ARHGAP8: variants seen among roughly 807,000 people sequenced by gnomAD.
The protein encoded by ARHGAP8 is Rho GTPase activating protein 8.
ARHGAP8 carries 62 observed loss-of-function variants against 46.1 expected under a neutral mutation model. The observed-to-expected ratio is 1.34, with a 90% CI of 1.10 to 1.66. The LOEUF is 1.66. Among genes scored for constraint, ARHGAP8 ranks in the 40% most tolerant of loss-of-function variants. ARHGAP8 has a pLI of 0.00. For missense variants in ARHGAP8, 923 were observed against 568.4 expected, an observed-to-expected ratio of 1.62 and a Z score of -6.34; for synonymous variants, 375 against 243.1, an observed-to-expected ratio of 1.54 and a Z score of -5.05.
chr22:44,861,216 C>G (rs1415575080), intron 11 of ARHGAP8, among the ~76,000 whole-genome samples: 1 of 152,150 alleles, frequency 6.6e-6, no homozygotes, highest in African/African-American at 2.4e-5. Context: ...AGGTGATCCA[C>G]CTGCCTCGGC....
At chr22:44,769,773 C>T (rs75831019) in intron 1 of ARHGAP8, among the ~76,000 whole-genome samples, 8,879 of 152,130 alleles carry the variant, frequency 0.058, 633 homozygotes, top group African/African-American at 0.16. Context: ...TCATTGAGAC[C>T]GCAGGATTGC....
chr22:44,752,976 C>G (rs1924365818), intron 1 of ARHGAP8, among the ~76,000 whole-genome samples: 2 of 152,106 alleles, frequency 1.3e-5, no homozygotes, highest in Admixed American at 6.5e-5. Flanking sequence ...TCTGGCCGGA[C>G]GGTGTCAGCT....
intron 6 of ARHGAP8, among the ~76,000 whole-genome samples, chr22:44,823,619 CCACTCCCAGACCT>C (rs1930308211): frequency 6.6e-6 from 1 of 152,110 alleles, no homozygotes; most frequent in African/African-American, 2.4e-5. Flanking sequence ...TGGCAAGACC[CCACTCCCAGACCT>C]CACTAAAGTG....
intron 6 of ARHGAP8, among the ~76,000 whole-genome samples, chr22:44,825,203 A>T (rs570039071): frequency 1.3e-5 from 2 of 152,082 alleles, no homozygotes; most frequent in Non-Finnish European, 2.9e-5. Context: ...GGCTGACCGC[A>T]TGGTAAGCAG....
intron 7 of ARHGAP8, among the ~76,000 whole-genome samples, chr22:44,832,336 C>T (rs984279398): frequency 1.9e-4 from 29 of 151,364 alleles, no homozygotes; most frequent in Admixed American, 1.5e-3. Context: ...AAGTGATTCT[C>T]CTGCCTCAGC....
At chr22:44,768,080 A>G (rs1312802144) in intron 1 of ARHGAP8, among the ~76,000 whole-genome samples, 1 of 120,734 alleles carries the variant, frequency 8.3e-6, no homozygotes, top group African/African-American at 3.3e-5. Flanking sequence ...GCTCACTGCA[A>G]CCTCCACCTC....
intron 1 of ARHGAP8, among the ~76,000 whole-genome samples, chr22:44,761,766 A>G (rs1026023113): frequency 4.6e-5 from 7 of 152,242 alleles, no homozygotes; most frequent in African/African-American, 1.7e-4. Context: ...TAATTTATAA[A>G]GGAAAGAGGT....
chr22:44,854,448 G>A (rs1009200769), intron 10 of ARHGAP8, among the ~76,000 whole-genome samples: 2 of 151,894 alleles, frequency 1.3e-5, no homozygotes, highest in Non-Finnish European at 2.9e-5. Context: ...GCCCAGGCTA[G>A]TCTTGAACTC....
chr22:44,852,558 A>G (rs2070123886), intron 10 of ARHGAP8, among the ~76,000 whole-genome samples: 1 of 152,100 alleles, frequency 6.6e-6, no homozygotes, highest in African/African-American at 2.4e-5. Context: ...TTTCCCCAGG[A>G]AGTTTTACAG....
At chr22:44,803,487 G>T (rs66521449) in intron 3 of ARHGAP8, among the ~76,000 whole-genome samples, 4 of 151,810 alleles carry the variant, frequency 2.6e-5, no homozygotes, top group Admixed American at 2.6e-4. Context: ...CCCCTCCTGG[G>T]TCTACACCTT....
At chr22:44,831,522 A>AC (rs36042057) in intron 7 of ARHGAP8, among the ~76,000 whole-genome samples, 31,899 of 151,852 alleles carry the variant, frequency 0.21, 4,341 homozygotes, top group East Asian at 0.74. Context: ...ATGGTGAAAC[A>AC]CCCATCTCTA....
At chr22:44,817,814 CAG>C (rs901604891) in intron 5 of ARHGAP8, among the ~76,000 whole-genome samples, 11 of 151,812 alleles carry the variant, frequency 7.2e-5, no homozygotes, top group Non-Finnish European at 1.3e-4. Context: ...TCTCAAAAAA[CAG>C]AGAAAAGTCC....
chr22:44,841,919 T>C (rs1222715895), intron 7 of ARHGAP8, among the ~76,000 whole-genome samples: 1 of 152,204 alleles, frequency 6.6e-6, no homozygotes, highest in African/African-American at 2.4e-5. Context: ...GGACGCTTGT[T>C]GACGGCACCA....
At chr22:44,782,592 G>A (rs774997705) in intron 1 of ARHGAP8, among the ~76,000 whole-genome samples, 9 of 152,060 alleles carry the variant, frequency 5.9e-5, no homozygotes, top group Non-Finnish European at 7.4e-5. Context: ...GGATCATACC[G>A]TGTGTGCTTT....
At chr22:44,802,652 G>A (rs1305900610) in intron 3 of ARHGAP8, among the ~76,000 whole-genome samples, 1 of 152,172 alleles carries the variant, frequency 6.6e-6, no homozygotes, top group Non-Finnish European at 1.5e-5. Flanking sequence ...TGGTTCTGGA[G>A]GGCACCAGTC....
intron 1 of ARHGAP8, among the ~76,000 whole-genome samples, chr22:44,767,852 G>A (rs1212341827): frequency 1.3e-4 from 19 of 142,462 alleles, no homozygotes; most frequent in African/African-American, 3.1e-4. Context: ...CAGCCTGGGC[G>A]ACAGAGTGAG....
intron 2 of ARHGAP8, 79 bp downstream of exon 2, chr22:44,786,685 C>T (rs9614932): frequency 0.15 from 234,184 of 1,516,514 alleles, 20,085 homozygotes; most frequent in African/African-American, 0.34. Flanking sequence ...AAAGTGGGCT[C>T]GTCAGGGGCT....
intron 1 of ARHGAP8, among the ~76,000 whole-genome samples, chr22:44,752,942 C>G (rs1027895650): frequency 6.6e-6 from 1 of 151,978 alleles, no homozygotes; most frequent in Non-Finnish European, 1.5e-5. Flanking sequence ...GCCCTCGCCT[C>G]TCTCAGCCTG....
At position 44,856,749 on chromosome 22, in the gene ARHGAP8, ACT is replaced by A. The variant is rs1263778345; in HGVS notation, c.878-2979_878-2978del. Among the ~76,000 whole-genome samples the A allele has an allele frequency of 2.1e-5, 3 of 143,346 alleles. 1 individual carries two copies. The highest frequency in any genetic ancestry group is 4.5e-5 in the Non-Finnish European group (3 of 66,450). 94.0% of individuals were successfully genotyped at this position (143,346 alleles called of 152,430 possible). The stretch of plus-strand genomic sequence containing the variant: ...GAGACAGAGACAAAGGCAAACAGTG[ACT>A]CTTCCTGGGAGGCTGAAGATCACCG... On this transcript the variant is annotated intron_variant, in intron 10 of 11. Transcript: ENST00000356099.
Sources: allele counts gnomAD v4.1 joint callset (sites outside exome capture counted in the v4.1 genomes callset), GRCh38; gene constraint gnomAD v4.1.1; transcripts MANE v1.5; gene names NCBI Gene and HGNC (gene_info 2026-07-23, HGNC 2026-07-21).